The following BAZ2B variants were observed in gnomAD, a reference collection of about 807,000 sequenced individuals.
The protein encoded by BAZ2B is bromodomain adjacent to zinc finger domain 2B, also known as bromodomain adjacent to zinc finger domain protein 2B.
BAZ2B carries 91 observed loss-of-function variants against 246.0 expected under a neutral mutation model. The ratio of observed to expected loss-of-function variants is 0.37; its 90% CI spans 0.31 to 0.44. The LOEUF (loss-of-function observed/expected upper bound fraction) is 0.44, where lower values mean the gene tolerates loss of function less well. BAZ2B is among the 20% of genes least tolerant of loss of function. The pLI is 1.00. For missense variants in BAZ2B, 2,332 were observed against 2,533.7 expected, an observed-to-expected ratio of 0.92 and a Z score of 1.71; for synonymous variants, 855 against 860.0, an observed-to-expected ratio of 0.99 and a Z score of 0.10.
At chr2:159,482,150 C>CAAAGTCTTCCATATAGTAAGCACTAAAAA (rs2079308114) in intron 2 of BAZ2B, among the ~76,000 whole-genome samples, 2 of 143,878 alleles carry the variant, frequency 1.4e-5, no homozygotes, top group Non-Finnish European at 3.1e-5. Context: ...AAAAAACCCA[C>CAAAGTCTTCCATATAGTAAGCACTAAAAA]AAAGTCTTCC....
chr2:159,400,952 G>A (rs1303021527), intron 16 of BAZ2B, among the ~76,000 whole-genome samples: 1 of 152,118 alleles, frequency 6.6e-6, no homozygotes, highest in Non-Finnish European at 1.5e-5. Flanking sequence ...GCTGAGGCAG[G>A]AGAATGGCGT....
At chr2:159,379,349 G>A (rs1297448853) in intron 25 of BAZ2B, among the ~76,000 whole-genome samples, 1 of 152,068 alleles carries the variant, frequency 6.6e-6, no homozygotes, top group East Asian at 1.9e-4. Context: ...GGGAAATTGG[G>A]GAGTTCCTAT....
rs568131213 is a variant in BAZ2B at position 159,575,704 on chromosome 2, T to G, written c.-45-19839A>C. Among the ~76,000 whole-genome samples the G allele has an allele frequency of 5.9e-5, 9 of 152,120 alleles. No individual in the cohort carries two copies. The South Asian group carries it at 1.2e-3, about 21-fold the overall frequency. Reference sequence around the variant, plus strand: ...AAAACAATGTTGGTAGACTAGAAATTGGAATAATAGGTCAAAATCCACAAA... The same window carrying G: ...AAAACAATGTTGGTAGACTAGAAATGGGAATAATAGGTCAAAATCCACAAA... On this transcript the variant is annotated intron_variant, in intron 1 of 36. Coordinates refer to ENST00000392783, the MANE Select transcript of BAZ2B (RefSeq NM_013450.4).
rs572000861 is a variant in BAZ2B at position 159,526,350 on chromosome 2, T to G, written c.-3+29473A>C. On this transcript the variant is annotated intron_variant, in intron 2 of 36. Transcript: ENST00000392783. ...AAGCAGCATGTAGACCGTAATACAG[T>G]AATTCTAGATATCTCACCCAGAAAA... Among the ~76,000 whole-genome samples the G allele has an allele frequency of 2.6e-5, 4 of 152,244 alleles. No individual in the cohort carries two copies. In the East Asian group the frequency reaches 7.7e-4, roughly 29 times the overall value.
At chr2:159,544,416 A>C (rs1012350987) in intron 2 of BAZ2B, among the ~76,000 whole-genome samples, 5 of 152,214 alleles carry the variant, frequency 3.3e-5, no homozygotes, top group African/African-American at 1.2e-4. Flanking sequence ...ATTTGTGAAG[A>C]AGCTGAAGAT....
chr2:159,449,752 C>T (rs4142233), intron 4 of BAZ2B, among the ~76,000 whole-genome samples: 141,201 of 152,274 alleles, frequency 0.93, 66,363 homozygotes, highest in East Asian at 1. Context: ...ATTTATCCAC[C>T]GTTTAGATGA....
chr2:159,476,443 C>T (rs181379148), intron 3 of BAZ2B, among the ~76,000 whole-genome samples: 5 of 152,154 alleles, frequency 3.3e-5, no homozygotes, highest in African/African-American at 1.2e-4. Flanking sequence ...AAACGCATCC[C>T]TTTCTAGACA....
intron 2 of BAZ2B, among the ~76,000 whole-genome samples, chr2:159,494,948 T>C (rs1191169811): frequency 6.6e-6 from 1 of 152,134 alleles, no homozygotes. Context: ...AAACAGATTC[T>C]TACTAGTAAG....
chr2:159,346,258 A>G (rs1047633486), intron 31 of BAZ2B, among the ~76,000 whole-genome samples: 1 of 152,242 alleles, frequency 6.6e-6, no homozygotes, highest in Admixed American at 6.5e-5. Context: ...TGAGATCCTC[A>G]AAAGTGTCCA....
intron 2 of BAZ2B, among the ~76,000 whole-genome samples, chr2:159,495,293 G>A (rs972030885): frequency 6.0e-5 from 9 of 150,690 alleles, no homozygotes; most frequent in Non-Finnish European, 1.0e-4. Context: ...AGACCATCCC[G>A]GCTAAAACGG....
intron 2 of BAZ2B, among the ~76,000 whole-genome samples, chr2:159,492,883 T>C (rs1157806063): frequency 6.6e-6 from 1 of 152,208 alleles, no homozygotes; most frequent in Non-Finnish European, 1.5e-5. Flanking sequence ...ACATTTGTAG[T>C]CCTTGCTTTT....
intron 31 of BAZ2B, among the ~76,000 whole-genome samples, chr2:159,338,295 AC>A (rs1157818232): frequency 6.6e-6 from 1 of 152,186 alleles, no homozygotes. Flanking sequence ...ATTCACTTTA[AC>A]ATGAAAGGAT....
chr2:159,318,391 A>C (rs2062330348), downstream of BAZ2B, among the ~76,000 whole-genome samples: 1 of 152,244 alleles, frequency 6.6e-6, no homozygotes, highest in Non-Finnish European at 1.5e-5. Context: ...CAATCTAGAG[A>C]TACTGAAAAT....
chr2:159,676,952 T>TATATATA, the BAZ2B span, among the ~76,000 whole-genome samples: 1 of 117,828 alleles, frequency 8.5e-6, no homozygotes, highest in South Asian at 3.0e-4. Flanking sequence ...AATAGTTTTG[T>TATATATA]TATATATATA....
At chr2:159,434,025 A>G (rs945736952) in intron 8 of BAZ2B, 2 of 152,256 alleles carry the variant, frequency 1.3e-5, no homozygotes, top group African/African-American at 4.8e-5. Context: ...TGCCCTTGTT[A>G]TCATGCGGCT....
intron 1 of BAZ2B, among the ~76,000 whole-genome samples, chr2:159,560,773 C>T (rs1034190523): frequency 3.9e-5 from 6 of 151,972 alleles, no homozygotes; most frequent in East Asian, 1.9e-4. Context: ...ATGATCCACC[C>T]GCCTTGGCCT....
chr2:159,651,138 T>C, the BAZ2B span, among the ~76,000 whole-genome samples: 6 of 152,220 alleles, frequency 3.9e-5, no homozygotes, highest in Non-Finnish European at 7.3e-5. Context: ...TGGGGAATCA[T>C]ATATCCAAGA....
chr2:159,599,558 C>A (rs1314913098), intron 1 of BAZ2B, among the ~76,000 whole-genome samples: 1 of 151,820 alleles, frequency 6.6e-6, no homozygotes, highest in African/African-American at 2.4e-5. Flanking sequence ...GTGGAGGTTG[C>A]TGTGGGCCGA....
At chr2:159,490,671 T>G (rs906611834) in intron 2 of BAZ2B, among the ~76,000 whole-genome samples, 1 of 151,748 alleles carries the variant, frequency 6.6e-6, no homozygotes, top group Non-Finnish European at 1.5e-5. Flanking sequence ...CACAGGCTCA[T>G]GCCAGCACAC....
Sources: allele counts gnomAD v4.1 joint callset (sites outside exome capture counted in the v4.1 genomes callset), GRCh38; gene constraint gnomAD v4.1.1; transcripts MANE v1.5; gene names NCBI Gene and HGNC (gene_info 2026-07-23, HGNC 2026-07-21).